Variants in DBT observed in about 807,000 individuals in gnomAD.
DBT encodes the protein lipoamide acyltransferase component of branched-chain alpha-keto acid dehydrogenase complex, mitochondrial.
DBT carries 40 observed loss-of-function variants against 51.3 expected under a neutral mutation model. The observed-to-expected ratio is 0.78, with a 90% CI of 0.61 to 1.02. The LOEUF (loss-of-function observed/expected upper bound fraction) is 1.02, where lower values mean the gene tolerates loss of function less well. DBT is among the 50% of genes least tolerant of loss of function. The pLI is 0.00. For missense variants in DBT, 510 were observed against 580.2 expected (o/e 0.88, Z 1.24); for synonymous variants, 181 against 190.4 (o/e 0.95, Z 0.41).
At position 100,196,315 on chromosome 1, in the gene DBT, G is replaced by A. The variant is rs886044964; in HGVS notation, c.1389C>T (p.Phe463=). ...RVIDGATMSR[F]SNLWKSYLEN... ...CTAAATAGGATTTCCACAAATTGGA[G>A]AAGCGTGACATTGTAGCACCATCAA... The change falls in exon 11 of 11, where the codon TTC becomes TTT. Residue 463 remains phenylalanine (F), a synonymous_variant. Transcript: ENST00000370132. 5.0e-6 allele frequency: 8 copies of A among 1,611,390 alleles called. No individual in the cohort carries two copies. The highest frequency in any genetic ancestry group is 5.9e-6 in the Non-Finnish European group (7 of 1,179,284).
At chr1:100,217,420 T>A (rs1324740632) in intron 5 of DBT, among the ~76,000 whole-genome samples, 1 of 152,212 alleles carries the variant, frequency 6.6e-6, no homozygotes, top group Non-Finnish European at 1.5e-5. Flanking sequence ...AAGGGTTACA[T>A]AACATTTTAT....
chr1:100,240,982 A>G, intron 1 of DBT, 98 bp from the exon 2 acceptor site: 2 of 1,169,220 alleles, frequency 1.7e-6, no homozygotes, highest in Non-Finnish European at 2.5e-6. Flanking sequence ...TAAAAGTAGA[A>G]CCATTGTCAC....
chr1:100,206,605 G>A lies in DBT; in HGVS notation c.1049C>T (p.Thr350Ile). 6.2e-7 allele frequency: 1 copy of A among 1,610,888 alleles called. No homozygotes were observed. The highest frequency in any genetic ancestry group is 1.1e-5 in the South Asian group (1 of 91,026). The change falls in exon 9 of 11, where the codon ACT (threonine) becomes ATT (isoleucine). Residue 350 changes from threonine (T) to isoleucine (I), a missense_variant. Thr to Ile is a moderately conservative substitution (Grantham distance 89). Transcript: ENST00000370132. ...ASHNIGIAMD[T>I]EQGLIVPNVK... ...ATTAGGGACAATCAAACCCTGCTCA[G>A]TATCCATTGCTATCCCAATGTTATG...
intron 6 of DBT, among the ~76,000 whole-genome samples, chr1:100,215,269 T>C (rs1662413246): frequency 6.6e-6 from 1 of 152,208 alleles, no homozygotes; most frequent in African/African-American, 2.4e-5. Flanking sequence ...AGCCATGTAT[T>C]TCCCTAACAG....
intron 7 of DBT, chr1:100,210,986 A>G (rs1484507262): frequency 1.2e-6 from 1 of 852,202 alleles, no homozygotes; most frequent in Non-Finnish European, 1.9e-6. Context: ...TAAAAGATAA[A>G]GTAGTCAGGT....
chr1:100,249,796 TTCTCAGCA>T lies in DBT; in HGVS notation c.17_24del (p.Met6AsnfsTer20). Reference sequence around the variant, plus strand: ...AGCTTCCCCGCATTCCTGCTCCAGGTTCTCAGCATACGGACTGCAGCCATCTTACCCCG... The same window carrying T: ...AGCTTCCCCGCATTCCTGCTCCAGGTTACGGACTGCAGCCATCTTACCCCG... On this transcript the variant is annotated frameshift_variant, in exon 1 of 11. Coordinates refer to ENST00000370132, the MANE Select transcript of DBT (RefSeq NM_001918.5). LOFTEE classifies it high-confidence loss of function. 6.2e-7 allele frequency: 1 copy of T among 1,614,192 alleles called. No homozygotes were observed. Among genetic ancestry groups the T allele is most frequent in the South Asian group, 1.1e-5 (1 of 91,086 alleles).
Position 100,206,304 on chromosome 1 carries a change from ATT to A in DBT, c.1210-5_1210-4del, listed in dbSNP as rs201117345. The A allele has an allele frequency of 1.6e-5, 23 of 1,438,660 alleles. No homozygotes were observed. In the South Asian group the frequency reaches 1.8e-4, roughly 11 times the overall value. 89.1% of individuals were successfully genotyped at this position (1,438,660 alleles called of 1,614,324 possible). A position where few individuals can be genotyped will look rare whatever the true frequency, so the allele number is the denominator to read the frequency against. Reference sequence around the variant, plus strand: ...GGTTTGGCAAAGGTACCACCAATCTATTTTTTAAAAAAAAAAAAAGGAGAGTA... The same window carrying A: ...GGTTTGGCAAAGGTACCACCAATCTATTTTAAAAAAAAAAAAAGGAGAGTA... On this transcript the variant is annotated splice_polypyrimidine_tract_variant and splice_region_variant and intron_variant, in intron 9 of 10. Coordinates refer to ENST00000370132, the MANE Select transcript of DBT (RefSeq NM_001918.5).
chr1:100,213,352 G>A (rs2100793723), intron 7 of DBT: 5 of 1,529,398 alleles, frequency 3.3e-6, no homozygotes, highest in South Asian at 2.4e-5. Flanking sequence ...AGGCCGGCCA[G>A]GGCGACTACG....
At chr1:100,225,837 A>AAAAG (rs1387881055) in intron 4 of DBT, among the ~76,000 whole-genome samples, 1 of 151,254 alleles carries the variant, frequency 6.6e-6, no homozygotes, top group East Asian at 1.9e-4. Context: ...AAAAAAAAAA[A>AAAAG]AAAAAAAAAA....
At chr1:100,209,765 T>TC (rs1237449080) in intron 8 of DBT, among the ~76,000 whole-genome samples, 9 of 151,918 alleles carry the variant, frequency 5.9e-5, no homozygotes, top group African/African-American at 9.7e-5. Flanking sequence ...TTTCACCATG[T>TC]TGGCCAGGCT....
Position 100,195,886 on chromosome 1 carries a change from A to T in DBT, c.*369T>A, listed in dbSNP as rs566108298. The T allele has an allele frequency of 3.9e-6, 1 of 255,766 alleles. No individual in the cohort carries two copies. Among genetic ancestry groups the T allele is most frequent in the African/African-American group, 2.3e-5 (1 of 43,760 alleles). The allele number at this position is 255,766 out of a possible 1,614,324, so 15.8% of individuals were successfully genotyped here. ...CACCATGTTGGCCAGGCTGGTCTCA[A>T]ACTTCTAACCTCAGGTGATCCGCCC... is the stretch of plus-strand genomic sequence containing the variant. On this transcript the variant is annotated 3_prime_UTR_variant, in exon 11 of 11. Coordinates refer to ENST00000370132, the MANE Select transcript of DBT (RefSeq NM_001918.5).
At chr1:100,200,653 A>T (rs1313894104) in intron 10 of DBT, among the ~76,000 whole-genome samples, 3 of 152,204 alleles carry the variant, frequency 2.0e-5, no homozygotes, top group Non-Finnish European at 4.4e-5. Context: ...CTCATACAGG[A>T]GAGCTCTCGC....
rs148215387 is a variant in DBT at position 100,224,888 on chromosome 1, G to A, written c.433+5845C>T. On this transcript the variant is annotated intron_variant, in intron 4 of 10. Transcript: ENST00000370132. ...AAATTAGCTGGGTGTGGTGGTGCAC[G>A]CCTGCCTGTAATCCCAGCTACTCAG... Among the ~76,000 whole-genome samples the A allele has an allele frequency of 2.6e-3, 386 of 150,946 alleles. 1 individual carries two copies. The highest frequency in any genetic ancestry group is 8.9e-3 in the African/African-American group (367 of 41,160).
intron 1 of DBT, among the ~76,000 whole-genome samples, chr1:100,242,520 G>A (rs527720607): frequency 2.0e-5 from 3 of 152,016 alleles, no homozygotes; most frequent in East Asian, 1.9e-4. Flanking sequence ...ACCCTAAATC[G>A]ACTAGTCTTT....
chr1:100,214,186 A>T (rs1207461753), intron 7 of DBT, among the ~76,000 whole-genome samples: 1 of 152,202 alleles, frequency 6.6e-6, no homozygotes, highest in Non-Finnish European at 1.5e-5. Context: ...TATGTCAGTG[A>T]TATTGCAAAA....
In DBT at chr1:100,207,506, TA is replaced by T. The variant is rs1044812690; in HGVS notation, c.1018-871del. Among the ~76,000 whole-genome samples, 33 of 146,156 alleles carry T rather than the reference TA, an allele frequency of 2.3e-4. 1 individual carries two copies. The Middle Eastern group carries it at 0.021, about 94-fold the overall frequency. The stretch of plus-strand genomic sequence containing the variant: ...ATTTAATCATATCAGAGCCCATCAA[TA>T]AAAAAAAAAGAGAAAAATGCAGCCA... On this transcript the variant is annotated intron_variant, in intron 8 of 10. Transcript: ENST00000370132.
At position 100,238,216 on chromosome 1, in the gene DBT, GCTTCCTTTCCTCCCTTCCTTCCCTCA is replaced by G. The variant is rs1346139467; in HGVS notation, c.175+2519_175+2544del. Among the ~76,000 whole-genome samples, 16 of 46,954 alleles carry G rather than the reference GCTTCCTTTCCTCCCTTCCTTCCCTCA, an allele frequency of 3.4e-4. No homozygotes were observed. In the Admixed American group the frequency reaches 4.4e-3, roughly 13 times the overall value. 30.8% of individuals were successfully genotyped at this position (46,954 alleles called of 152,430 possible). ...TCCTTCCTTCCCTCCTTCCTCCCTCGCTTCCTTTCCTCCCTTCCTTCCCTCACTTCCTTTCCTCCCTTCCTTTCCTC... is the reference window on the plus strand; with the variant it reads ...TCCTTCCTTCCCTCCTTCCTCCCTCGCTTCCTTTCCTCCCTTCCTTTCCTC... On this transcript the variant is annotated intron_variant, in intron 2 of 10. Coordinates refer to ENST00000370132, the MANE Select transcript of DBT (RefSeq NM_001918.5).
In DBT at chr1:100,221,093, T is replaced by G. The variant is rs150646528; in HGVS notation, c.434-2346A>C. On this transcript the variant is annotated intron_variant, in intron 4 of 10. Transcript: ENST00000370132. ...ATATAACATACAAAAATTATTACAT[T>G]ATTCCAAAAGACCAAGTAATTTATT... 1.9e-3 allele frequency among the ~76,000 whole-genome samples: 289 copies of G among 152,320 alleles called. 3 individuals carry two copies. In the East Asian group the frequency reaches 0.029, roughly 15 times the overall value.
intron 3 of DBT, among the ~76,000 whole-genome samples, 190 bp from the exon 4 acceptor site, chr1:100,231,104 A>C (rs1442627403): frequency 6.6e-6 from 1 of 152,216 alleles, no homozygotes; most frequent in Non-Finnish European, 1.5e-5. Flanking sequence ...ATCTGCAAGA[A>C]ACACTCAAAA....
Sources: allele counts gnomAD v4.1 joint callset (sites outside exome capture counted in the v4.1 genomes callset), GRCh38; gene constraint gnomAD v4.1.1; transcripts MANE v1.5; gene names NCBI Gene and HGNC (gene_info 2026-07-23, HGNC 2026-07-21).